The following ZNF451 variants were observed in gnomAD, a reference collection of about 807,000 sequenced individuals.
ZNF451 encodes zinc finger protein 451.
A neutral mutation model predicts 107.1 loss-of-function variants in ZNF451; 80 were observed. That is an observed-to-expected ratio of 0.75 (90% CI 0.62 to 0.90). The LOEUF (loss-of-function observed/expected upper bound fraction) is 0.90, where lower values mean the gene tolerates loss of function less well. ZNF451 is among the 40% of genes least tolerant of loss of function. ZNF451 has a pLI of 0.00. For missense variants in ZNF451, 1,107 were observed against 1,236.2 expected, an observed-to-expected ratio of 0.90 and a Z score of 1.57; for synonymous variants, 362 against 406.5, an observed-to-expected ratio of 0.89 and a Z score of 1.32.
intron 7 of ZNF451, among the ~76,000 whole-genome samples, chr6:57,138,729 A>ATGTG (rs1168633668): frequency 1.1e-3 from 123 of 113,856 alleles, no homozygotes; most frequent in Non-Finnish European, 1.8e-3. Flanking sequence ...ATATATATAT[A>ATGTG]TATATATATA....
chr6:57,109,219 A>G (rs1830003307), intron 3 of ZNF451: 1 of 985,186 alleles, frequency 1.0e-6, no homozygotes, highest in Admixed American at 6.2e-5. Flanking sequence ...ATTCATTTTC[A>G]GCACTGATTA....
intron 3 of ZNF451, among the ~76,000 whole-genome samples, chr6:57,111,458 G>A (rs1830112294): frequency 6.6e-6 from 1 of 151,122 alleles, no homozygotes; most frequent in Admixed American, 6.6e-5. Context: ...TTGGCTCACT[G>A]CAACCTCTGC....
At chr6:57,159,889 T>C (rs988552663) in intron 13 of ZNF451, among the ~76,000 whole-genome samples, 5 of 152,194 alleles carry the variant, frequency 3.3e-5, no homozygotes, top group Admixed American at 2.0e-4. Context: ...CAGAAACAAA[T>C]ATGTCTATAT....
Position 57,128,830 on chromosome 6 carries a change from A to T in ZNF451, c.414A>T (p.Leu138=). The change falls in exon 5 of 15, where the codon CTA becomes CTT. Residue 138 remains leucine, a synonymous_variant. Transcript: ENST00000370706. ...CAAGACTGTGTGTGGACCAGTGGCT[A>T]AAAATGCCAGGTATTCTTTAGAAAT... is the stretch of plus-strand genomic sequence containing the variant. ...EAARLCVDQW[L]KMPGLKTGTI... The T allele has an allele frequency of 1.2e-6, 2 of 1,608,134 alleles. No homozygotes were observed. The highest frequency in any genetic ancestry group is 1.7e-6 in the Non-Finnish European group (2 of 1,177,572).
intron 3 of ZNF451, among the ~76,000 whole-genome samples, chr6:57,117,842 A>G (rs1377445572): frequency 2.0e-5 from 3 of 152,228 alleles, no homozygotes; most frequent in African/African-American, 7.2e-5. Context: ...TGGTTTTATT[A>G]TGGCCTAGAA....
Position 57,141,986 on chromosome 6 carries a change from T to G in ZNF451, c.895T>G (p.Phe299Val). ...TGCACATCCAATATCTTTCCCATCT[T>G]TTGCAAAGAAACTTTTGATCTCTCT... ...GIAHPISFPS[F>V]AKKLLISLCK... The change falls in exon 9 of 15, where the codon TTT becomes GTT. Residue 299 changes from phenylalanine (F) to valine (V), a missense_variant. Physicochemically the swap from Phe to Val is conservative, Grantham distance 50. Transcript: ENST00000370706. 6.2e-7 allele frequency: 1 copy of G among 1,614,068 alleles called. No individual in the cohort carries two copies. The highest frequency in any genetic ancestry group is 8.5e-7 in the Non-Finnish European group (1 of 1,179,950).
rs368682577 is a variant in ZNF451 at position 57,148,027 on chromosome 6, A to C, written c.1942A>C (p.Ile648Leu). 6.2e-7 allele frequency: 1 copy of C among 1,614,138 alleles called. No individual in the cohort carries two copies. Among genetic ancestry groups the C allele is most frequent in the East Asian group, 2.2e-5 (1 of 44,886 alleles). ...CAHCRKPFHK[I>L]ETLYRHCQDE... The stretch of plus-strand genomic sequence containing the variant: ...TCACTGCAGAAAGCCTTTTCATAAG[A>C]TAGAAACATTGTACCGACATTGCCA... Residue 648 changes from isoleucine (I) to leucine (L), a missense_variant, in exon 10 of 15, where the codon ATA becomes CTA. By Grantham distance (5) the Ile-to-Leu change is conservative. Transcript: ENST00000370706.
chr6:57,147,926 T>A lies in ZNF451; in HGVS notation c.1841T>A (p.Met614Lys). ...GKWQCRICED[M>K]FDSQEYVKQH... ...TGGCAATGCCGGATTTGTGAAGATA[T>A]GTTTGATTCCCAGGAATATGTAAAA... The change falls in exon 10 of 15, where the codon ATG becomes AAG. Residue 614 changes from methionine (M) to lysine (K), a missense_variant. Physicochemically the swap from Met to Lys is moderately conservative, Grantham distance 95 (BLOSUM62 -1). Around this residue, in one of 5 missense-constraint regions of ZNF451, gnomAD observed 608 missense variants for 649.2 expected, o/e 0.94. Coordinates refer to ENST00000370706, the MANE Select transcript of ZNF451 (RefSeq NM_001031623.3). 6.2e-7 allele frequency: 1 copy of A among 1,614,172 alleles called. No individual in the cohort carries two copies. Among genetic ancestry groups the A allele is most frequent in the African/African-American group, 1.3e-5 (1 of 75,058 alleles).
intron 3 of ZNF451, among the ~76,000 whole-genome samples, chr6:57,119,459 G>A (rs1269370718): frequency 2.6e-5 from 4 of 152,114 alleles, no homozygotes; most frequent in African/African-American, 9.7e-5. Flanking sequence ...GGGAGGCAGA[G>A]GTTGCAGTGA....
In ZNF451 at chr6:57,099,103, A is replaced by G; in HGVS notation, c.148A>G (p.Ser50Gly). Residue 50 changes from serine to glycine, a missense_variant, in exon 3 of 15, where the codon AGC (serine) becomes GGC (glycine). Around this residue, in one of 5 missense-constraint regions of ZNF451, gnomAD observed 339 missense variants for 372.8 expected, o/e 0.91. Coordinates refer to ENST00000370706, the MANE Select transcript of ZNF451 (RefSeq NM_001031623.3). ...TGTTCTTGAATACATTGATCTGGTC[A>G]GCAGTGATGATGAAGAGCCTAGCAC... ...RPVLEYIDLVSSDDEEPSTSY... is the reference protein window; with the variant it reads ...RPVLEYIDLVGSDDEEPSTSY... The G allele has an allele frequency of 1.2e-6, 2 of 1,613,872 alleles. No individual in the cohort carries two copies. The highest frequency in any genetic ancestry group is 1.7e-6 in the Non-Finnish European group (2 of 1,179,814).
rs1043226912 is a variant in ZNF451, at chr6:57,120,826, A to C, written c.187-3908A>C. 2.0e-5 allele frequency among the ~76,000 whole-genome samples: 3 copies of C among 152,080 alleles called. No individual in the cohort carries two copies. The South Asian group carries it at 6.2e-4, about 31-fold the overall frequency. The stretch of plus-strand genomic sequence containing the variant: ...ATGTGTCTTTTGCACATATTCTCCC[A>C]GTCTGTGGCTTGTGTTCTTATTTGT... On this transcript the variant is annotated intron_variant, in intron 3 of 14. Coordinates refer to ENST00000370706, the MANE Select transcript of ZNF451 (RefSeq NM_001031623.3).
chr6:57,104,127 C>G, intron 3 of ZNF451: 2 of 983,962 alleles, frequency 2.0e-6, no homozygotes, highest in South Asian at 4.7e-5. Flanking sequence ...ATTTCCACTT[C>G]TGTAGAAATA....
In ZNF451 at chr6:57,153,992, C is replaced by T; in HGVS notation, c.3015C>T (p.His1005=). 6.2e-7 allele frequency: 1 copy of T among 1,614,152 alleles called. No individual in the cohort carries two copies. The highest frequency in any genetic ancestry group is 8.5e-7 in the Non-Finnish European group (1 of 1,180,022). The change falls in exon 13 of 15, where the codon CAC becomes CAT. Residue 1005 remains histidine, a synonymous_variant. Transcript: ENST00000370706. ...QRPAHILNPH[H]LEGDMMCALL... is the part of the protein sequence containing the mutation. ...CAGCTCATATACTAAACCCTCACCA[C>T]TTAGAGGGAGATATGATGTGTGCCT...
At chr6:57,096,426 T>A (rs965382002) in intron 2 of ZNF451, among the ~76,000 whole-genome samples, 2 of 151,710 alleles carry the variant, frequency 1.3e-5, no homozygotes, top group Non-Finnish European at 2.9e-5. Flanking sequence ...CCTCAGGCAA[T>A]TCGCCCACCT....
intron 13 of ZNF451, chr6:57,158,402 TG>T: frequency 3.8e-6 from 2 of 523,762 alleles, no homozygotes; most frequent in Non-Finnish European, 4.9e-6. Context: ...TTGTGAGTTC[TG>T]GTGCTTTAAA....
intron 3 of ZNF451, chr6:57,107,775 G>A (rs1366260089): frequency 3.0e-6 from 3 of 983,924 alleles, no homozygotes; most frequent in Non-Finnish European, 3.6e-6. Flanking sequence ...AAGTTGTACT[G>A]TTTTCTAGTA....
chr6:57,168,517 T>A lies in ZNF451; in HGVS notation c.*48T>A, dbSNP rs1226526852. On this transcript the variant is annotated 3_prime_UTR_variant, in exon 15 of 15. Transcript: ENST00000370706. The stretch of plus-strand genomic sequence containing the variant: ...TCAAGTGGCCTTGAAGAGACTGAGA[T>A]AACGAATTCTTGAGTTTGTTTTCTA... 6.9e-7 allele frequency: 1 copy of A among 1,449,066 alleles called. No individual in the cohort carries two copies. 89.8% of individuals were successfully genotyped at this position (1,449,066 alleles called of 1,614,324 possible). A position where few individuals can be genotyped will look rare whatever the true frequency, so the allele number is the denominator to read the frequency against.
chr6:57,117,424 A>G (rs935577356), intron 3 of ZNF451, among the ~76,000 whole-genome samples: 3 of 152,098 alleles, frequency 2.0e-5, no homozygotes, highest in Admixed American at 2.0e-4. Flanking sequence ...AAACAATTGT[A>G]GTAAATAATG....
Position 57,128,741 on chromosome 6 carries a change from T to A in ZNF451, c.325T>A (p.Phe109Ile). ...TTAATGTCTTCAGGAAAAAATTGAT[T>A]TTCAGCATGCTCATGGGTTACAAGA... ...KNRAFREKID[F>I]QHAHGLQELE... The change falls in exon 5 of 15, where the codon TTT becomes ATT. Residue 109 changes from phenylalanine to isoleucine, a missense_variant. Around this residue, in one of 5 missense-constraint regions of ZNF451, gnomAD observed 339 missense variants for 372.8 expected, o/e 0.91. Transcript: ENST00000370706. The A allele has an allele frequency of 6.2e-7, 1 of 1,607,178 alleles. No homozygotes were observed. The highest frequency in any genetic ancestry group is 1.1e-5 in the South Asian group (1 of 89,600).
Sources: gnomAD v4.1 joint callset for allele counts (sites outside exome capture counted in the v4.1 genomes callset) on GRCh38, gnomAD v4.1.1 for gene constraint, gnomAD v4.1.1 regional missense constraint, MANE v1.5 for transcripts, NCBI Gene and HGNC (gene_info 2026-07-23, HGNC 2026-07-21) for gene names.